Variants in RNF180 observed in about 807,000 individuals in gnomAD.
The protein encoded by RNF180 is E3 ubiquitin-protein ligase RNF180.
Under a neutral mutation model 59.2 loss-of-function variants are expected in RNF180, and 38 were observed. The observed-to-expected ratio is 0.64, with a 90% confidence interval of 0.50 to 0.84. RNF180 has a LOEUF of 0.84. RNF180 is among the 40% of genes least tolerant of loss of function. The pLI, the probability that RNF180 is intolerant of heterozygous loss-of-function variation, is 0.00. For missense variants in RNF180, 705 were observed against 700.9 expected (o/e 1.01, Z -0.07); for synonymous variants, 262 against 240.3 (o/e 1.09, Z -0.84).
At chr5:64,324,304 ACT>A (rs765755205) in intron 5 of RNF180, among the ~76,000 whole-genome samples, 5 of 152,206 alleles carry the variant, frequency 3.3e-5, no homozygotes, top group Non-Finnish European at 7.4e-5. Flanking sequence ...CACAGGGCAC[ACT>A]CACACACACC....
Position 64,369,872 on chromosome 5 carries a change from AAACATT to A in RNF180, c.*59_*64del. 1 of 973,812 alleles carries A rather than the reference AAACATT, an allele frequency of 1.0e-6. No homozygotes were observed. Among genetic ancestry groups the A allele is most frequent in the Non-Finnish European group, 1.4e-6 (1 of 702,528 alleles). The allele number at this position is 973,812 out of a possible 1,614,324, so 60.3% of individuals were successfully genotyped here. A position where few individuals can be genotyped will look rare whatever the true frequency, so the allele number is the denominator to read the frequency against. ...TAAATGATGTAAATAACAATTGCTT[AAACATT>A]TTTAAATGTGCTTTGAAGTTTTTTT... is the stretch of plus-strand genomic sequence containing the variant. On this transcript the variant is annotated 3_prime_UTR_variant, in exon 8 of 8. Transcript: ENST00000389100.
intron 1 of RNF180, among the ~76,000 whole-genome samples, chr5:64,176,608 C>T (rs1250740022): frequency 6.6e-6 from 1 of 152,038 alleles, no homozygotes; most frequent in Non-Finnish European, 1.5e-5. Flanking sequence ...AATTGAAACT[C>T]CTGAGTTTTT....
At chr5:64,189,978 G>T (rs1249958289) in intron 1 of RNF180, among the ~76,000 whole-genome samples, 11 of 152,186 alleles carry the variant, frequency 7.2e-5, no homozygotes, top group Admixed American at 7.2e-4. Context: ...ATACAGAGAT[G>T]CCTCCACAGG....
At chr5:64,181,735 A>G (rs1336827217) in intron 1 of RNF180, among the ~76,000 whole-genome samples, 2 of 152,206 alleles carry the variant, frequency 1.3e-5, no homozygotes, top group African/African-American at 2.4e-5. Flanking sequence ...AAAATAAAGC[A>G]GCCTGAAATG....
chr5:64,233,073 C>G (rs1742195869), intron 5 of RNF180, among the ~76,000 whole-genome samples: 1 of 152,174 alleles, frequency 6.6e-6, no homozygotes, highest in African/African-American at 2.4e-5. Flanking sequence ...TTGAGGCAGA[C>G]ACTGCACAGC....
intron 7 of RNF180, among the ~76,000 whole-genome samples, chr5:64,351,388 CCTTT>C (rs1238112476): frequency 5.9e-5 from 9 of 152,064 alleles, no homozygotes. Flanking sequence ...AATTGAATAC[CCTTT>C]ATTTATTTCT....
intron 5 of RNF180, among the ~76,000 whole-genome samples, chr5:64,324,333 G>A (rs1356741147): frequency 6.6e-6 from 1 of 152,026 alleles, no homozygotes; most frequent in African/African-American, 2.4e-5. Context: ...CACCCCAACT[G>A]GGACCATTTA....
At chr5:64,265,243 T>A (rs1190252941) in intron 5 of RNF180, among the ~76,000 whole-genome samples, 1 of 152,206 alleles carries the variant, frequency 6.6e-6, no homozygotes, top group African/African-American at 2.4e-5. Flanking sequence ...AGATCCCATT[T>A]ATCAATTCTA....
At chr5:64,325,091 C>G in intron 5 of RNF180, 95 bp from the exon 6 acceptor site, 1 of 736,104 alleles carries the variant, frequency 1.4e-6, no homozygotes, top group East Asian at 2.7e-5. Flanking sequence ...ATATGCTTCT[C>G]AAATATTTTT....
chr5:64,179,372 T>C (rs1750445383), intron 1 of RNF180, among the ~76,000 whole-genome samples: 1 of 152,204 alleles, frequency 6.6e-6, no homozygotes, highest in Non-Finnish European at 1.5e-5. Context: ...CTTTGGTTTC[T>C]TCCTAGAGGT....
At chr5:64,345,768 C>A (rs1365310362) in intron 7 of RNF180, among the ~76,000 whole-genome samples, 1 of 152,098 alleles carries the variant, frequency 6.6e-6, no homozygotes, top group African/African-American at 2.4e-5. Flanking sequence ...TAATATAACT[C>A]ACATTACTGA....
chr5:64,285,829 C>T (rs1386401850), intron 5 of RNF180, among the ~76,000 whole-genome samples: 1 of 152,124 alleles, frequency 6.6e-6, no homozygotes, highest in Non-Finnish European at 1.5e-5. Context: ...CATCCCTGGC[C>T]CTGCTCCACT....
At chr5:64,297,781 A>T (rs1051618036) in intron 5 of RNF180, among the ~76,000 whole-genome samples, 1 of 152,158 alleles carries the variant, frequency 6.6e-6, no homozygotes, top group African/African-American at 2.4e-5. Context: ...GAAAGCTTCC[A>T]AACTTGGTTA....
chr5:64,246,926 T>G (rs1299823583), intron 5 of RNF180, among the ~76,000 whole-genome samples: 1 of 152,210 alleles, frequency 6.6e-6, no homozygotes, highest in Admixed American at 6.5e-5. Flanking sequence ...CAAGTCAGCT[T>G]CATCCCTGGG....
At chr5:64,176,024 A>G (rs769211158) in intron 1 of RNF180, among the ~76,000 whole-genome samples, 19 of 152,156 alleles carry the variant, frequency 1.2e-4, no homozygotes, top group Non-Finnish European at 2.5e-4. Context: ...GATTTTATAA[A>G]TCCTGGAAGA....
At position 64,348,198 on chromosome 5, in the gene RNF180, T is replaced by C. The variant is rs573901987; in HGVS notation, c.1579+17792T>C. ...TTTTCTTCAATACTACATATAAATA[T>C]CCTTTTTTTCTAATAGCAAAGAGAG... On this transcript the variant is annotated intron_variant, in intron 7 of 7. Coordinates refer to ENST00000389100, the MANE Select transcript of RNF180 (RefSeq NM_001113561.2). 8.5e-5 allele frequency among the ~76,000 whole-genome samples: 13 copies of C among 152,182 alleles called. No homozygotes were observed. The South Asian group carries it at 2.7e-3, about 32-fold the overall frequency.
rs1477697961 is a variant in RNF180, at chr5:64,370,607, T to A, written c.*793T>A. ...GGTCAAATATATTGTAAATGTGCAA[T>A]AAAGAGTGGCTTTTAATTTTTTTAA... On this transcript the variant is annotated 3_prime_UTR_variant, in exon 8 of 8. Transcript: ENST00000389100. 6.6e-6 allele frequency: 1 copy of A among 151,716 alleles called. No homozygotes were observed. The highest frequency in any genetic ancestry group is 1.5e-5 in the Non-Finnish European group (1 of 67,770). The allele number at this position is 151,716 out of a possible 1,614,324, so 9.4% of individuals were successfully genotyped here. A position where few individuals can be genotyped will look rare whatever the true frequency, so the allele number is the denominator to read the frequency against.
At chr5:64,352,390 GTCTC>G (rs1331104648) in intron 7 of RNF180, among the ~76,000 whole-genome samples, 1 of 151,792 alleles carries the variant, frequency 6.6e-6, no homozygotes, top group East Asian at 1.9e-4. Flanking sequence ...GGTTTTTTCT[GTCTC>G]TATCTCCTTC....
intron 5 of RNF180, among the ~76,000 whole-genome samples, chr5:64,245,876 T>C (rs1318172113): frequency 6.6e-6 from 1 of 152,090 alleles, no homozygotes; most frequent in Non-Finnish European, 1.5e-5. Context: ...AGTAAAACAC[T>C]CCTCACCAAA....
Sources: gnomAD v4.1 joint callset for allele counts (sites outside exome capture counted in the v4.1 genomes callset) on GRCh38, gnomAD v4.1.1 for gene constraint, MANE v1.5 for transcripts, NCBI Gene and HGNC (gene_info 2026-07-23, HGNC 2026-07-21) for gene names.